The following NTM variants were observed in gnomAD, a reference collection of about 807,000 sequenced individuals.
NTM encodes neurotrimin, also known as IgLON family member 2.
NTM carries 13 observed loss-of-function variants against 42.1 expected under a neutral mutation model. The ratio of observed to expected loss-of-function variants is 0.31; its 90% confidence interval spans 0.20 to 0.49. The LOEUF is 0.49. NTM is among the 20% of genes least tolerant of loss of function. The probability of loss-of-function intolerance (pLI) is 0.99; values close to 1 mark genes in which losing one functional copy is unlikely to be tolerated. For missense variants in NTM, 373 were observed against 452.8 expected (o/e 0.82, Z 1.60); for synonymous variants, 187 against 179.2 (o/e 1.04, Z -0.35).
chr11:131,783,711 G>A (rs1591807666), intron 1 of NTM, among the ~76,000 whole-genome samples: 1 of 152,216 alleles, frequency 6.6e-6, no homozygotes, highest in East Asian at 1.9e-4. Flanking sequence ...GAGAAAATAT[G>A]TGTTGGCCTT....
At chr11:132,302,586 C>G (rs534359123) in intron 4 of NTM, among the ~76,000 whole-genome samples, 13 of 152,198 alleles carry the variant, frequency 8.5e-5, no homozygotes, top group African/African-American at 2.6e-4. Flanking sequence ...AGAAGTTAGT[C>G]AATAAGAAGT....
chr11:132,224,649 G>A (rs2085840628), intron 4 of NTM, among the ~76,000 whole-genome samples: 1 of 152,208 alleles, frequency 6.6e-6, no homozygotes, highest in South Asian at 2.1e-4. Flanking sequence ...TAAGTGGGTA[G>A]CTCTCCATAG....
At chr11:132,294,313 T>A (rs1444552330) in intron 4 of NTM, among the ~76,000 whole-genome samples, 1 of 152,042 alleles carries the variant, frequency 6.6e-6, no homozygotes, top group African/African-American at 2.4e-5. Flanking sequence ...CATTCCTTCA[T>A]CCCAGTTTTT....
At chr11:131,448,400 A>G (rs1950229989) in intron 1 of NTM, among the ~76,000 whole-genome samples, 1 of 152,208 alleles carries the variant, frequency 6.6e-6, no homozygotes, top group African/African-American at 2.4e-5. Context: ...GTCCAACATG[A>G]TGCAGGCTGG....
intron 2 of NTM, among the ~76,000 whole-genome samples, chr11:132,048,804 T>C (rs963560145): frequency 1.6e-5 from 2 of 129,010 alleles, no homozygotes; most frequent in African/African-American, 3.1e-5. Flanking sequence ...AGAGCTGTTT[T>C]TCTTTTCTTT....
intron 1 of NTM, among the ~76,000 whole-genome samples, chr11:131,735,788 G>A (rs958947409): frequency 1.3e-5 from 2 of 151,898 alleles, no homozygotes; most frequent in African/African-American, 4.8e-5. Flanking sequence ...AAGAACACAG[G>A]AGTGGGAGTC....
At chr11:131,791,352 T>C (rs765617485) in intron 1 of NTM, among the ~76,000 whole-genome samples, 2 of 152,254 alleles carry the variant, frequency 1.3e-5, no homozygotes, top group African/African-American at 2.4e-5. Flanking sequence ...CCAAGGACAG[T>C]ATCATTTTTG....
At chr11:131,411,191 T>G (rs569456770) in intron 1 of NTM, among the ~76,000 whole-genome samples, 1 of 152,314 alleles carries the variant, frequency 6.6e-6, no homozygotes, top group Non-Finnish European at 1.5e-5. Flanking sequence ...TTAATCATTT[T>G]CTCCCAGCTG....
intron 1 of NTM, among the ~76,000 whole-genome samples, chr11:131,815,089 C>G (rs956854069): frequency 2.0e-5 from 3 of 152,130 alleles, no homozygotes; most frequent in Non-Finnish European, 2.9e-5. Context: ...TAGAAATACT[C>G]GTGTGGCTTC....
At chr11:132,296,042 G>A (rs902428070) in intron 4 of NTM, among the ~76,000 whole-genome samples, 3 of 152,204 alleles carry the variant, frequency 2.0e-5, no homozygotes, top group Non-Finnish European at 2.9e-5. Flanking sequence ...AAGGGAAAGA[G>A]AGCAAGCAAT....
intron 1 of NTM, among the ~76,000 whole-genome samples, chr11:131,717,951 C>T (rs1394707808): frequency 1.3e-5 from 2 of 152,082 alleles, no homozygotes; most frequent in Non-Finnish European, 2.9e-5. Context: ...ATGCTTTCGT[C>T]TTTATTAAGA....
intron 2 of NTM, among the ~76,000 whole-genome samples, chr11:132,066,970 T>A (rs2056604866): frequency 6.6e-6 from 1 of 152,242 alleles, no homozygotes; most frequent in East Asian, 1.9e-4. Context: ...TTTTTTTTCT[T>A]TTGAGACAGG....
intron 1 of NTM, among the ~76,000 whole-genome samples, chr11:131,480,281 A>G (rs56016826): frequency 0.23 from 34,375 of 152,104 alleles, 4,340 homozygotes; most frequent in Non-Finnish European, 0.28. Context: ...GCATTGATGT[A>G]CCAGCACAAT....
Position 131,664,592 on chromosome 11 carries a change from A to C in NTM, c.83-246972A>C, listed in dbSNP as rs113569990. ...ATCCCCAGTGCCAGGTACCAAATGA[A>C]CACGCGCCATACGTTGCGGTTCCCG... On this transcript the variant is annotated intron_variant, in intron 1 of 8. Transcript: ENST00000683400. Among the ~76,000 whole-genome samples the C allele has an allele frequency of 2.5e-3, 382 of 152,128 alleles. 3 individuals carry two copies. The highest frequency in any genetic ancestry group is 8.8e-3 in the African/African-American group (367 of 41,494).
At chr11:131,478,537 G>C (rs1295595820) in intron 1 of NTM, among the ~76,000 whole-genome samples, 1 of 152,146 alleles carries the variant, frequency 6.6e-6, no homozygotes, top group Non-Finnish European at 1.5e-5. Flanking sequence ...CTAGTATCTA[G>C]AGAAATGCCT....
chr11:131,549,984 C>T lies in NTM; in HGVS notation c.82+179096C>T, dbSNP rs574437422. Among the ~76,000 whole-genome samples, 14 of 152,236 alleles carry T rather than the reference C, an allele frequency of 9.2e-5. 1 individual carries two copies. The South Asian group carries it at 1.9e-3, about 20-fold the overall frequency. ...GACTTGCATTTCACGTCCTGCAGGG[C>T]GGACTCAGGCACAAACACTCAGTGT... is the stretch of plus-strand genomic sequence containing the variant. On this transcript the variant is annotated intron_variant, in intron 1 of 8. Coordinates refer to ENST00000683400, the MANE Select transcript of NTM (RefSeq NM_001352005.2).
At chr11:131,974,665 A>T (rs547130803) in intron 2 of NTM, among the ~76,000 whole-genome samples, 3 of 152,332 alleles carry the variant, frequency 2.0e-5, no homozygotes, top group East Asian at 1.9e-4. Context: ...TTTATAAAAA[A>T]CATGACCTTG....
At chr11:132,245,305 C>T (rs76177738) in intron 4 of NTM, among the ~76,000 whole-genome samples, 225 of 152,066 alleles carry the variant, frequency 1.5e-3, no homozygotes, top group African/African-American at 4.9e-3. Context: ...CTGTGCACCT[C>T]AGGGCCAATA....
chr11:132,251,489 C>A (rs978474167), intron 4 of NTM, among the ~76,000 whole-genome samples: 1 of 152,184 alleles, frequency 6.6e-6, no homozygotes, highest in Non-Finnish European at 1.5e-5. Context: ...CCTGTTTAAA[C>A]CACATCGCAC....
Sources: gnomAD v4.1 joint callset for allele counts (sites outside exome capture counted in the v4.1 genomes callset) on GRCh38, gnomAD v4.1.1 for gene constraint, MANE v1.5 for transcripts, NCBI Gene and HGNC (gene_info 2026-07-23, HGNC 2026-07-21) for gene names.